Variants in GCN1 observed in about 807,000 individuals in gnomAD.
GCN1 encodes the protein GCN1 activator of EIF2AK4.
In GCN1, 90 loss-of-function variants were observed where a neutral mutation model predicts 288.4. The ratio of observed to expected loss-of-function variants is 0.31; its 90% CI spans 0.26 to 0.37. The LOEUF is 0.37. Among genes scored for constraint, GCN1 ranks in the 10% least tolerant of loss-of-function variants. The pLI, the probability that GCN1 is intolerant of heterozygous loss-of-function variation, is 1.00. For missense variants in GCN1, 2,586 were observed against 3,419.9 expected (o/e 0.76, Z 6.08); for synonymous variants, 1,386 against 1,420.2 (o/e 0.98, Z 0.54).
Position 120,161,587 on chromosome 12 carries a change from A to G in GCN1, c.2343-4T>C, listed in dbSNP as rs773407771. On this transcript the variant is annotated splice_polypyrimidine_tract_variant and splice_region_variant and intron_variant, in intron 21 of 57. Coordinates refer to ENST00000300648, the MANE Select transcript of GCN1 (RefSeq NM_006836.2). ...TTTTATGCTGTCCTGCTGGGCACTGAAACACCAGAGTGGGTCATCAGCCAG... is the reference window on the plus strand; with the variant it reads ...TTTTATGCTGTCCTGCTGGGCACTGGAACACCAGAGTGGGTCATCAGCCAG... The G allele has an allele frequency of 1.1e-5, 18 of 1,607,830 alleles. No homozygotes were observed. Among genetic ancestry groups the G allele is most frequent in the East Asian group, 2.2e-5 (1 of 44,850 alleles).
rs530040027 is a variant in GCN1 at position 120,155,185 on chromosome 12, G to A, written c.3630+56C>T. On this transcript the variant is annotated intron_variant, in intron 30 of 57. Transcript: ENST00000300648. This position sits in a 1 kb window ranked among gnomAD's most constrained non-coding sequence, Gnocchi z 4.9. ...GTCTGGAGCAGTAGCGGGGTGAGCA[G>A]AGACCCACCCAACCGCACACACCCA... 70 of 1,554,362 alleles carry A rather than the reference G, an allele frequency of 4.5e-5. No homozygotes were observed. In the Middle Eastern group the frequency reaches 2.2e-3, roughly 49 times the overall value.
intron 4 of GCN1, among the ~76,000 whole-genome samples, 162 bp from the exon 5 acceptor site, chr12:120,183,839 G>GA (rs1161663516): frequency 6.6e-6 from 1 of 152,216 alleles, no homozygotes; most frequent in Non-Finnish European, 1.5e-5. Flanking sequence ...TTCAGGACAA[G>GA]AAGTCCAGGC....
At position 120,156,255 on chromosome 12, in the gene GCN1, G is replaced by C. The variant is rs1877742607; in HGVS notation, c.3312+206C>G. ...TTCCAGTTTAAAAATTAAGTGAAGT[G>C]TTCCAAGGTAAAGGAAAAAATACAG... On this transcript the variant is annotated intron_variant, in intron 28 of 57. Coordinates refer to ENST00000300648, the MANE Select transcript of GCN1 (RefSeq NM_006836.2). This position sits in a 1 kb window ranked among gnomAD's most constrained non-coding sequence, Gnocchi z 5.8. Among the ~76,000 whole-genome samples, 1 of 152,336 alleles carries C rather than the reference G, an allele frequency of 6.6e-6. No homozygotes were observed. Among genetic ancestry groups the C allele is most frequent in the African/African-American group, 2.4e-5 (1 of 41,586 alleles).
Position 120,156,679 on chromosome 12 carries a change from G to A in GCN1, c.3169-75C>T, listed in dbSNP as rs1260696804. On this transcript the variant is annotated intron_variant, in intron 27 of 57. Coordinates refer to ENST00000300648, the MANE Select transcript of GCN1 (RefSeq NM_006836.2). The surrounding 1 kb of genome is among the most constrained non-coding windows in gnomAD (Gnocchi z 5.8). ...AGGGGGCCAGAGAGGGATATGCACT[G>A]AGAACACCCACCCCTACAGCACTGC... The A allele has an allele frequency of 3.2e-5, 46 of 1,445,894 alleles. No homozygotes were observed. The highest frequency in any genetic ancestry group is 4.4e-5 in the Non-Finnish European group (46 of 1,038,562). 89.6% of individuals were successfully genotyped at this position (1,445,894 alleles called of 1,614,324 possible). A position where few individuals can be genotyped will look rare whatever the true frequency, so the allele number is the denominator to read the frequency against.
At chr12:120,129,187 G>A (rs1470505241) in intron 57 of GCN1, 89 bp downstream of exon 57, 13 of 1,023,518 alleles carry the variant, frequency 1.3e-5, no homozygotes, top group Non-Finnish European at 1.8e-5. Flanking sequence ...TGGCAGAGAA[G>A]AGCCTGTGGT....
At chr12:120,168,343 TC>T in intron 15 of GCN1, 43 bp from the exon 16 acceptor site, 1 of 1,151,882 alleles carries the variant, frequency 8.7e-7, no homozygotes. Flanking sequence ...GCTCACCACA[TC>T]CCCCAGAGCT....
intron 45 of GCN1, among the ~76,000 whole-genome samples, chr12:120,139,383 T>C (rs1410225490): frequency 4.0e-5 from 6 of 151,872 alleles, no homozygotes; most frequent in Admixed American, 3.9e-4. Context: ...TCCCAACACT[T>C]TGGGAGGTGG....
Position 120,142,358 on chromosome 12 carries a change from AT to A in GCN1, c.5829+148del. 1.6e-6 allele frequency: 1 copy of A among 608,186 alleles called. No homozygotes were observed. Among genetic ancestry groups the A allele is most frequent in the Non-Finnish European group, 2.9e-6 (1 of 342,552 alleles). 37.7% of individuals were successfully genotyped at this position (608,186 alleles called of 1,614,324 possible). On this transcript the variant is annotated intron_variant, in intron 44 of 57. Transcript: ENST00000300648. The surrounding 1 kb of genome is among the most constrained non-coding windows in gnomAD (Gnocchi z 4.9). Reference sequence around the variant, plus strand: ...TAAATAAAATAAAATTAATCAAAAAATATTTGCAGAATGACTAAGTAAAGAA... The same window carrying A: ...TAAATAAAATAAAATTAATCAAAAAAATTTGCAGAATGACTAAGTAAAGAA...
At chr12:120,192,990 C>T (rs181463246) in intron 1 of GCN1, among the ~76,000 whole-genome samples, 1 of 151,360 alleles carries the variant, frequency 6.6e-6, no homozygotes, top group Non-Finnish European at 1.5e-5. Context: ...GAGTTCAGAT[C>T]GTGCCATTGC....
chr12:120,145,678 AT>A (rs1203354873), intron 38 of GCN1, among the ~76,000 whole-genome samples: 1 of 152,222 alleles, frequency 6.6e-6, no homozygotes, highest in East Asian at 1.9e-4. Context: ...TCCTTTCAGA[AT>A]TTTATTAACA....
intron 53 of GCN1, among the ~76,000 whole-genome samples, chr12:120,133,794 C>T (rs1170211810): frequency 6.6e-6 from 1 of 152,144 alleles, no homozygotes; most frequent in Non-Finnish European, 1.5e-5. Context: ...ACCGGCCGGG[C>T]GCGGTGGCTC....
chr12:120,185,712 T>C (rs1388043794), intron 2 of GCN1, among the ~76,000 whole-genome samples: 1 of 152,078 alleles, frequency 6.6e-6, no homozygotes. Flanking sequence ...GTGATTCTCC[T>C]GCCTCAGCCA....
At chr12:120,187,034 T>C (rs538382744) in intron 2 of GCN1, among the ~76,000 whole-genome samples, 41 of 152,260 alleles carry the variant, frequency 2.7e-4, no homozygotes, top group Admixed American at 2.3e-3. Flanking sequence ...AACTCATACA[T>C]TGAAGCATTA....
Position 120,177,489 on chromosome 12 carries a change from T to C in GCN1, c.796A>G (p.Ile266Val). The C allele has an allele frequency of 6.2e-7, 1 of 1,609,082 alleles. No homozygotes were observed. Among genetic ancestry groups the C allele is most frequent in the Non-Finnish European group, 8.5e-7 (1 of 1,175,442 alleles). The stretch of plus-strand genomic sequence containing the variant: ...GGACTCCTCAGTAAGGACTTCTGTA[T>C]GGTGGGCAGTATCAGATCCTTAAAT... Reference protein sequence around the residue: ...SEFKDLILPTIQKSLLRSPEN... With the variant: ...SEFKDLILPTVQKSLLRSPEN... Residue 266 changes from isoleucine (I) to valine (V), a missense_variant, in exon 9 of 58, where the codon ATA becomes GTA. Around this residue, in one of 8 missense-constraint regions of GCN1, gnomAD observed 913 missense variants for 1,107.0 expected, o/e 0.82. Coordinates refer to ENST00000300648, the MANE Select transcript of GCN1 (RefSeq NM_006836.2).
rs1876654667 is a variant in GCN1, at chr12:120,127,502, T to A, written c.*347A>T. On this transcript the variant is annotated 3_prime_UTR_variant, in exon 58 of 58. Coordinates refer to ENST00000300648, the MANE Select transcript of GCN1 (RefSeq NM_006836.2). The stretch of plus-strand genomic sequence containing the variant: ...GGAAAAAGGTTGGTAGCGCCAGCTC[T>A]CAAACCAGAGCTCAAGCACAGGAGA... 8.9e-6 allele frequency: 2 copies of A among 224,544 alleles called. No homozygotes were observed. The highest frequency in any genetic ancestry group is 4.5e-5 in the African/African-American group (2 of 44,186). The allele number at this position is 224,544 out of a possible 1,614,324, so 13.9% of individuals were successfully genotyped here. A position where few individuals can be genotyped will look rare whatever the true frequency, so the allele number is the denominator to read the frequency against.
At chr12:120,133,273 G>T (rs1281016669) in intron 53 of GCN1, among the ~76,000 whole-genome samples, 2 of 152,072 alleles carry the variant, frequency 1.3e-5, no homozygotes, top group East Asian at 1.9e-4. Context: ...TCCTAGATTG[G>T]CCCTACAAAG....
chr12:120,194,436 C>G (rs1005037179), intron 1 of GCN1, among the ~76,000 whole-genome samples: 1 of 152,252 alleles, frequency 6.6e-6, no homozygotes, highest in East Asian at 1.9e-4. Flanking sequence ...AAGGCCCCGC[C>G]GAGCTCCAGC....
chr12:120,189,498 G>C (rs1878935803), intron 2 of GCN1, among the ~76,000 whole-genome samples: 1 of 151,908 alleles, frequency 6.6e-6, no homozygotes, highest in African/African-American at 2.4e-5. Flanking sequence ...TAGTAGCTGG[G>C]ATTACAGGTG....
At chr12:120,162,264 C>T (rs1354806480) in intron 20 of GCN1, 9 of 581,306 alleles carry the variant, frequency 1.5e-5, no homozygotes, top group East Asian at 8.6e-5. Context: ...CAGCACCTGA[C>T]GTGAGGTGAT....
Sources: allele counts gnomAD v4.1 joint callset (sites outside exome capture counted in the v4.1 genomes callset), GRCh38; gene constraint gnomAD v4.1.1; regional missense constraint gnomAD v4.1.1; non-coding constraint Gnocchi (gnomAD v3.1); transcripts MANE v1.5; gene names NCBI Gene and HGNC (gene_info 2026-07-23, HGNC 2026-07-21).